MB21D2: variants seen among roughly 807,000 people sequenced by gnomAD.
The protein encoded by MB21D2 is Mab-21 domain containing 2.
MB21D2 carries 9 observed loss-of-function variants against 33.3 expected under a neutral mutation model. The observed-to-expected ratio is 0.27, with a 90% CI of 0.16 to 0.47. The LOEUF is 0.47. Among genes scored for constraint, MB21D2 ranks in the 20% least tolerant of loss-of-function variants. The pLI is 0.99. For missense variants in MB21D2, 540 were observed against 624.6 expected (o/e 0.86, Z 1.44); for synonymous variants, 241 against 236.3 (o/e 1.02, Z -0.18).
chr3:192,804,807 T>G (rs745763902), intron 1 of MB21D2, among the ~76,000 whole-genome samples: 2 of 152,120 alleles, frequency 1.3e-5, no homozygotes, highest in African/African-American at 2.4e-5. Flanking sequence ...CCTATAAAAA[T>G]ATTATGGTTT....
intron 1 of MB21D2, among the ~76,000 whole-genome samples, chr3:192,890,864 C>T (rs1713838128): frequency 6.6e-6 from 1 of 151,940 alleles, no homozygotes. Flanking sequence ...TAGGTCCACG[C>T]AGAGACATGG....
At chr3:192,851,257 G>A (rs1397902595) in intron 1 of MB21D2, among the ~76,000 whole-genome samples, 2 of 151,990 alleles carry the variant, frequency 1.3e-5, no homozygotes, top group African/African-American at 4.8e-5. Flanking sequence ...GACACAAAAG[G>A]CCACCTATTA....
At chr3:192,839,105 GGATTTTGT>G (rs1300858990) in intron 1 of MB21D2, among the ~76,000 whole-genome samples, 1 of 152,158 alleles carries the variant, frequency 6.6e-6, no homozygotes, top group Non-Finnish European at 1.5e-5. Flanking sequence ...TGGGAGGCAA[GGATTTTGT>G]GAGGGCTAAA....
chr3:192,916,684 G>C (rs569362265), intron 1 of MB21D2, among the ~76,000 whole-genome samples: 2 of 152,320 alleles, frequency 1.3e-5, no homozygotes, highest in Non-Finnish European at 2.9e-5. Flanking sequence ...CCAACGGCAG[G>C]ACACCTGGGG....
chr3:192,866,624 T>C (rs1713174253), intron 1 of MB21D2, among the ~76,000 whole-genome samples: 2 of 152,338 alleles, frequency 1.3e-5, no homozygotes, highest in Admixed American at 1.3e-4. Flanking sequence ...TAATTTATTC[T>C]TTCTCAGGTC....
chr3:192,819,710 T>G (rs1002151482), intron 1 of MB21D2, among the ~76,000 whole-genome samples: 2 of 152,224 alleles, frequency 1.3e-5, no homozygotes, highest in African/African-American at 4.8e-5. Flanking sequence ...TGCAGACCAC[T>G]GCTGGAGTGG....
chr3:192,866,588 G>A (rs915219336), intron 1 of MB21D2, among the ~76,000 whole-genome samples: 4 of 152,226 alleles, frequency 2.6e-5, no homozygotes, highest in South Asian at 2.1e-4. Context: ...AGACATGCAC[G>A]TACACATCCA....
At chr3:192,908,837 TTTAA>T (rs544845813) in intron 1 of MB21D2, among the ~76,000 whole-genome samples, 227 of 152,236 alleles carry the variant, frequency 1.5e-3, no homozygotes, top group African/African-American at 5.2e-3. Context: ...ACCTGGGACA[TTTAA>T]TTGTTTCTGT....
intron 1 of MB21D2, among the ~76,000 whole-genome samples, chr3:192,809,105 C>CT (rs35816549): frequency 2.3e-4 from 35 of 151,434 alleles, no homozygotes; most frequent in South Asian, 6.3e-4. Flanking sequence ...TCCCCCTTCC[C>CT]TTTTTTTTTG....
Position 192,832,511 on chromosome 3 carries a change from G to A in MB21D2, c.212-32861C>T, listed in dbSNP as rs375433660. On this transcript the variant is annotated intron_variant, in intron 1 of 1. Coordinates refer to ENST00000392452, the MANE Select transcript of MB21D2 (RefSeq NM_178496.4). ...ATAAGGATATGAAAGAGTATGTCTCGCCAGGTGCGGTGGGTCACGCCTGTA... is the reference window on the plus strand; with the variant it reads ...ATAAGGATATGAAAGAGTATGTCTCACCAGGTGCGGTGGGTCACGCCTGTA... 4.9e-4 allele frequency among the ~76,000 whole-genome samples: 75 copies of A among 152,312 alleles called. 1 individual carries two copies. In the East Asian group the frequency reaches 0.012, roughly 24 times the overall value.
intron 1 of MB21D2, among the ~76,000 whole-genome samples, chr3:192,812,910 C>T (rs1470822309): frequency 1.3e-5 from 2 of 152,120 alleles, no homozygotes; most frequent in Non-Finnish European, 2.9e-5. Context: ...GGATTCCTTA[C>T]TAAGCCATTC....
At chr3:192,891,522 G>T (rs1713853925) in intron 1 of MB21D2, among the ~76,000 whole-genome samples, 1 of 152,072 alleles carries the variant, frequency 6.6e-6, no homozygotes, top group Non-Finnish European at 1.5e-5. Flanking sequence ...AAGAGAGATG[G>T]TAGGAGTCCT....
intron 1 of MB21D2, among the ~76,000 whole-genome samples, chr3:192,865,958 T>C (rs931440256): frequency 2.0e-5 from 3 of 151,972 alleles, no homozygotes; most frequent in African/African-American, 7.3e-5. Context: ...GGCGGGAGGA[T>C]TGCTGGGGCC....
At chr3:192,857,634 G>C (rs756711804) in intron 1 of MB21D2, among the ~76,000 whole-genome samples, 3 of 151,816 alleles carry the variant, frequency 2.0e-5, no homozygotes, top group Non-Finnish European at 4.4e-5. Context: ...ACAAAAATTA[G>C]GCTAAAGAGA....
intron 1 of MB21D2, among the ~76,000 whole-genome samples, chr3:192,862,324 C>T (rs1447724817): frequency 6.6e-6 from 1 of 152,164 alleles, no homozygotes; most frequent in Non-Finnish European, 1.5e-5. Context: ...AACCTTAAAG[C>T]TCCCTCTCTC....
At chr3:192,816,233 G>A (rs1711921388) in intron 1 of MB21D2, among the ~76,000 whole-genome samples, 1 of 139,792 alleles carries the variant, frequency 7.2e-6, no homozygotes, top group African/African-American at 2.9e-5. Context: ...TAAAAAAAAA[G>A]ATGGTTCCGA....
chr3:192,835,225 C>T (rs1307163225), intron 1 of MB21D2, among the ~76,000 whole-genome samples: 5 of 148,064 alleles, frequency 3.4e-5, no homozygotes, highest in Non-Finnish European at 4.5e-5. Context: ...GAGGCTGAGG[C>T]GGGCAGCTCA....
chr3:192,834,869 G>C (rs1156920859), intron 1 of MB21D2, among the ~76,000 whole-genome samples: 1 of 146,370 alleles, frequency 6.8e-6, no homozygotes, highest in African/African-American at 2.6e-5. Context: ...GAGTGCAGTG[G>C]CACGATCTCA....
At chr3:192,854,463 A>G (rs1246436420) in intron 1 of MB21D2, among the ~76,000 whole-genome samples, 4 of 152,236 alleles carry the variant, frequency 2.6e-5, no homozygotes, top group African/African-American at 9.6e-5. Flanking sequence ...ATTTAAGGAA[A>G]TAAGTCATCT....
Sources: allele counts gnomAD v4.1 joint callset (sites outside exome capture counted in the v4.1 genomes callset), GRCh38; gene constraint gnomAD v4.1.1; transcripts MANE v1.5; gene names NCBI Gene and HGNC (gene_info 2026-07-23, HGNC 2026-07-21).